Variants in ARHGAP28 observed in about 807,000 individuals in gnomAD.
ARHGAP28 encodes the protein rho GTPase-activating protein 28.
In ARHGAP28, 56 loss-of-function variants were observed where a neutral mutation model predicts 90.7. The observed-to-expected ratio is 0.62, with a 90% confidence interval of 0.50 to 0.77. ARHGAP28 has a LOEUF of 0.77. Among genes scored for constraint, ARHGAP28 ranks in the 30% least tolerant of loss-of-function variants. The probability of loss-of-function intolerance (pLI) is 0.00; values close to 1 mark genes in which losing one functional copy is unlikely to be tolerated. For synonymous variants in ARHGAP28, 308 were observed against 323.3 expected (o/e 0.95, Z 0.51); for missense variants, 869 against 900.9 (o/e 0.96, Z 0.45).
At chr18:6,743,630 A>G (rs1218079488) in intron 1 of ARHGAP28, among the ~76,000 whole-genome samples, 2 of 152,242 alleles carry the variant, frequency 1.3e-5, no homozygotes, top group African/African-American at 4.8e-5. Context: ...CAAACTGGCA[A>G]CAATTGTAAA....
chr18:6,742,247 A>T (rs1159484665), intron 1 of ARHGAP28, among the ~76,000 whole-genome samples: 2 of 150,318 alleles, frequency 1.3e-5, no homozygotes, highest in African/African-American at 4.9e-5. Flanking sequence ...GCTCACTGCA[A>T]CCTCAACTTC....
At chr18:6,909,304 T>TCTTTTCTTTTCTTTTCTTTTC (rs1600313673) in intron 17 of ARHGAP28, among the ~76,000 whole-genome samples, 182 of 140,120 alleles carry the variant, frequency 1.3e-3, no homozygotes, top group East Asian at 2.4e-3. Context: ...TCTTTTCTTT[T>TCTTTTCTTTTCTTTTCTTTTC]TTTTTTGAGA....
chr18:6,761,446 A>G lies in ARHGAP28; in HGVS notation c.122+31503A>G, dbSNP rs189515692. Among the ~76,000 whole-genome samples, 15 of 152,308 alleles carry G rather than the reference A, an allele frequency of 9.8e-5. No individual in the cohort carries two copies. The East Asian group carries it at 2.3e-3, about 24-fold the overall frequency. On this transcript the variant is annotated intron_variant, in intron 1 of 17. Coordinates refer to ENST00000383472, the MANE Select transcript of ARHGAP28 (RefSeq NM_001366230.1). ...GGCTGCTTATGTGCACACGTATCTCACAGATCTTGGAGTCTAGCCCACGGT... is the reference window on the plus strand; with the variant it reads ...GGCTGCTTATGTGCACACGTATCTCGCAGATCTTGGAGTCTAGCCCACGGT...
chr18:6,837,271 G>A lies in ARHGAP28; in HGVS notation c.400G>A (p.Gly134Ser). The change falls in exon 3 of 18, where the codon GGC (glycine) becomes AGC (serine). Residue 134 changes from glycine to serine, a missense_variant. Gly to Ser is a moderately conservative substitution (Grantham distance 56). Transcript: ENST00000383472. ...TLISGDEEED[G>S]KALLSTLTRT... ...GATCTCAGGTGATGAAGAGGAAGAT[G>A]GCAAAGCCTTGCTCTCCACATTGAC... 1 of 1,606,374 alleles carries A rather than the reference G, an allele frequency of 6.2e-7. No individual in the cohort carries two copies. Among genetic ancestry groups the A allele is most frequent in the Non-Finnish European group, 8.5e-7 (1 of 1,176,834 alleles).
At chr18:6,776,377 A>C (rs2056283516) in intron 1 of ARHGAP28, among the ~76,000 whole-genome samples, 1 of 152,228 alleles carries the variant, frequency 6.6e-6, no homozygotes, top group Non-Finnish European at 1.5e-5. Context: ...TTCCAAAAGT[A>C]GAGAATGAAA....
intron 1 of ARHGAP28, among the ~76,000 whole-genome samples, chr18:6,779,617 A>G (rs1003379004): frequency 1.3e-5 from 2 of 152,194 alleles, no homozygotes; most frequent in East Asian, 1.9e-4. Flanking sequence ...TATGACCACT[A>G]TCTGCCCCAG....
intron 5 of ARHGAP28, among the ~76,000 whole-genome samples, chr18:6,861,785 G>A (rs952137677): frequency 4.6e-5 from 7 of 152,064 alleles, no homozygotes; most frequent in Non-Finnish European, 7.3e-5. Context: ...GAATTTCTTC[G>A]CATCGTTGGT....
chr18:6,892,052 G>C (rs895328812), intron 14 of ARHGAP28, among the ~76,000 whole-genome samples: 12 of 152,174 alleles, frequency 7.9e-5, no homozygotes, highest in African/African-American at 2.4e-4. Flanking sequence ...GATAGGCAAA[G>C]TGACTTCATA....
At chr18:6,730,136 A>C in intron 1 of ARHGAP28, 193 bp downstream of exon 1, 1 of 503,182 alleles carries the variant, frequency 2.0e-6, no homozygotes, top group Non-Finnish European at 3.1e-6. Flanking sequence ...CGAAGGCTCC[A>C]CCAGCCTGGG....
At chr18:6,744,736 GA>G (rs1328839915) in intron 1 of ARHGAP28, among the ~76,000 whole-genome samples, 1 of 152,104 alleles carries the variant, frequency 6.6e-6, no homozygotes, top group Non-Finnish European at 1.5e-5. Flanking sequence ...GGTTTTCTTT[GA>G]AAAATGTAGC....
intron 16 of ARHGAP28, among the ~76,000 whole-genome samples, chr18:6,904,660 AAAAC>A (rs1303573393): frequency 2.6e-5 from 4 of 152,202 alleles, no homozygotes. Flanking sequence ...GTTCTTTTAA[AAAAC>A]AATAAAATTG....
intron 1 of ARHGAP28, among the ~76,000 whole-genome samples, chr18:6,771,168 C>G (rs1310833086): frequency 6.6e-6 from 1 of 152,068 alleles, no homozygotes; most frequent in Non-Finnish European, 1.5e-5. Context: ...TCCTGGATAG[C>G]TGGGACTATG....
chr18:6,845,439 T>C (rs2143172502), intron 3 of ARHGAP28, among the ~76,000 whole-genome samples: 1 of 152,282 alleles, frequency 6.6e-6, no homozygotes, highest in South Asian at 2.1e-4. Flanking sequence ...TATTTTAAGT[T>C]CTGGGGTACA....
chr18:6,882,082 A>T (rs1381117618), intron 10 of ARHGAP28, 55 bp from the exon 11 acceptor site: 5 of 1,515,824 alleles, frequency 3.3e-6, no homozygotes, highest in Non-Finnish European at 4.5e-6. Flanking sequence ...GAAGGGGAAA[A>T]TGGGGTCAGG....
intron 7 of ARHGAP28, 146 bp downstream of exon 7, chr18:6,870,878 G>A (rs904800267): frequency 8.9e-6 from 7 of 782,860 alleles, no homozygotes; most frequent in South Asian, 2.0e-5. Flanking sequence ...TCGGCTCACT[G>A]CAAGCTCTGC....
At chr18:6,863,867 C>G (rs916443713) in intron 5 of ARHGAP28, among the ~76,000 whole-genome samples, 2 of 150,900 alleles carry the variant, frequency 1.3e-5, no homozygotes, top group Non-Finnish European at 2.9e-5. Flanking sequence ...ACTGCAACCT[C>G]CACTTCCTGG....
chr18:6,812,868 A>G (rs1329808114), intron 1 of ARHGAP28, among the ~76,000 whole-genome samples: 2 of 152,044 alleles, frequency 1.3e-5, no homozygotes, highest in Admixed American at 1.3e-4. Context: ...AGTGAGAGGG[A>G]TTTTGAGGGT....
chr18:6,908,740 A>T (rs1213425506), intron 16 of ARHGAP28, among the ~76,000 whole-genome samples: 3 of 152,172 alleles, frequency 2.0e-5, no homozygotes, highest in Admixed American at 2.0e-4. Flanking sequence ...GCGGCTGCCC[A>T]TCCTGGTGGG....
At chr18:6,739,429 G>A (rs187607173) in intron 1 of ARHGAP28, among the ~76,000 whole-genome samples, 1 of 151,524 alleles carries the variant, frequency 6.6e-6, no homozygotes, top group Admixed American at 6.6e-5. Context: ...GAGAACTCTT[G>A]TTATCACTTG....
Sources: allele counts gnomAD v4.1 joint callset (sites outside exome capture counted in the v4.1 genomes callset), GRCh38; gene constraint gnomAD v4.1.1; transcripts MANE v1.5; gene names NCBI Gene and HGNC (gene_info 2026-07-23, HGNC 2026-07-21).